The following DMD variants were observed in gnomAD, a reference collection of about 807,000 sequenced individuals.
DMD encodes the protein mutant dystrophin.
DMD carries 63 observed loss-of-function variants against 330.1 expected under a neutral mutation model. The ratio of observed to expected loss-of-function variants is 0.19; its 90% CI spans 0.16 to 0.24. The LOEUF is 0.24. Ranked by LOEUF, DMD falls within the 10% of genes least tolerant of loss-of-function variation. DMD has a pLI of 1.00. For missense variants in DMD, 3,344 were observed against 2,684.1 expected, an observed-to-expected ratio of 1.25 and a Z score of -5.43; for synonymous variants, 1,223 against 959.8, an observed-to-expected ratio of 1.27 and a Z score of -5.07.
chrX:31,713,286 GTC>G lies in DMD; in HGVS notation c.7660+16343_7660+16344del, dbSNP rs201223613. ...CCACAATTACTTCAGTAGACAGTCA[GTC>G]AACACAAACTCATCTGAACCTACTT... On this transcript the variant is annotated intron_variant, in intron 52 of 78. Coordinates refer to ENST00000357033, the MANE Select transcript of DMD (RefSeq NM_004006.3). Among the ~76,000 whole-genome samples the G allele has an allele frequency of 4.3e-3, 441 of 102,704 alleles. 4 individuals carry two copies. Among genetic ancestry groups the G allele is most frequent in the African/African-American group, 0.015 (414 of 26,771 alleles). The allele number at this position is 102,704 out of a possible 115,157, so 89.2% of individuals were successfully genotyped here.
chrX:33,285,804 C>T (rs1276304734), intron 1 of DMD, among the ~76,000 whole-genome samples: 5 of 112,335 alleles, frequency 4.5e-5, no homozygotes, highest in Admixed American at 9.5e-5. Flanking sequence ...TAGCATACCA[C>T]TATGGAGATG....
chrX:32,949,342 G>GTAGGTAGA (rs1225499899), intron 2 of DMD, among the ~76,000 whole-genome samples: 22 of 91,543 alleles, frequency 2.4e-4, no homozygotes, highest in Admixed American at 1.6e-3. Flanking sequence ...AGGTAGGTAG[G>GTAGGTAGA]TAGATAGATA....
chrX:31,589,433 C>T (rs1242458928), intron 55 of DMD, among the ~76,000 whole-genome samples: 7 of 110,940 alleles, frequency 6.3e-5, no homozygotes, highest in Middle Eastern at 4.7e-3. Context: ...CAAAGGAAAG[C>T]GGGTAGGGGT....
intron 43 of DMD, among the ~76,000 whole-genome samples, chrX:32,258,092 T>TG (rs945115431): frequency 1.8e-5 from 2 of 111,504 alleles, no homozygotes; most frequent in African/African-American, 6.5e-5. Context: ...ATTAGAGGAA[T>TG]GCAAATCAAA....
At position 32,491,380 on chromosome X, in the gene DMD, T is replaced by C; in HGVS notation, c.2519A>G (p.Gln840Arg). Residue 840 changes from glutamine (Q) to arginine (R), a missense_variant, in exon 20 of 79, where the codon CAA becomes CGA. Gln to Arg is a conservative substitution (Grantham distance 43, BLOSUM62 1). Transcript: ENST00000357033. ...NNIIAFYNQL[Q>R]QLEQMTTTAE... is the part of the protein sequence containing the mutation. ...AGTAGTTGTCATCTGCTCCAATTGT[T>C]GTAGCTGATTATAGAAAGCGATGAT... 1.7e-6 allele frequency: 2 copies of C among 1,211,705 alleles called. No individual in the cohort carries two copies. The highest frequency in any genetic ancestry group is 2.2e-6 in the Non-Finnish European group (2 of 895,503).
At chrX:31,763,062 T>C (rs192995662) in intron 51 of DMD, among the ~76,000 whole-genome samples, 105 of 112,685 alleles carry the variant, frequency 9.3e-4, no homozygotes, top group Non-Finnish European at 1.1e-4. Flanking sequence ...ACCTAGTACA[T>C]CTTTAGCGGC....
chrX:31,154,740 A>G (rs187350335), intron 74 of DMD, among the ~76,000 whole-genome samples: 2 of 111,973 alleles, frequency 1.8e-5, no homozygotes, highest in East Asian at 5.6e-4. Flanking sequence ...AGTCATTTCA[A>G]TACAGATGAA....
intron 2 of DMD, among the ~76,000 whole-genome samples, chrX:32,860,113 G>A (rs1401821710): frequency 8.9e-6 from 1 of 111,774 alleles, no homozygotes; most frequent in African/African-American, 3.3e-5. Context: ...AAAGAAATAC[G>A]GAAGCACAAA....
At chrX:31,951,031 G>C (rs1390608224) in intron 45 of DMD, among the ~76,000 whole-genome samples, 1 of 102,029 alleles carries the variant, frequency 9.8e-6, no homozygotes, top group Non-Finnish European at 2.0e-5. Flanking sequence ...AAGTGTTTTG[G>C]ATTTTGGATT....
At chrX:32,047,040 C>A (rs146275374) in intron 44 of DMD, among the ~76,000 whole-genome samples, 1,237 of 111,112 alleles carry the variant, frequency 0.011, 13 homozygotes, top group South Asian at 0.023. Context: ...TTTGTAAGAC[C>A]ACACAAAATT....
chrX:31,973,509 C>A (rs1468928437), intron 44 of DMD, among the ~76,000 whole-genome samples: 1 of 110,472 alleles, frequency 9.1e-6, no homozygotes, highest in Admixed American at 9.6e-5. Context: ...GTTAGTACAA[C>A]AGGGAGCATG....
intron 25 of DMD, among the ~76,000 whole-genome samples, chrX:32,459,560 G>A (rs1183135079): frequency 3.6e-5 from 4 of 110,988 alleles, no homozygotes; most frequent in Non-Finnish European, 5.7e-5. Flanking sequence ...CTTTTTCTCC[G>A]AAATAAATAT....
chrX:32,470,638 C>T (rs775160624), intron 22 of DMD, among the ~76,000 whole-genome samples: 2 of 111,191 alleles, frequency 1.8e-5, no homozygotes, highest in Non-Finnish European at 3.8e-5. Flanking sequence ...TATTAGGCAA[C>T]ACATTTTTCC....
intron 8 of DMD, among the ~76,000 whole-genome samples, chrX:32,698,336 A>G (rs1408461055): frequency 1.8e-5 from 2 of 111,489 alleles, no homozygotes; most frequent in Non-Finnish European, 3.8e-5. Context: ...CTAAATCCAA[A>G]GTAAATAAAA....
intron 55 of DMD, among the ~76,000 whole-genome samples, chrX:31,597,929 A>AT (rs1331003691): frequency 1.8e-5 from 2 of 111,088 alleles, no homozygotes; most frequent in African/African-American, 6.5e-5. Flanking sequence ...ACGTCTTTTG[A>AT]TTTTAACCTT....
intron 55 of DMD, among the ~76,000 whole-genome samples, chrX:31,557,328 T>A (rs1382214847): frequency 9.0e-6 from 1 of 111,490 alleles, no homozygotes; most frequent in Non-Finnish European, 1.9e-5. Flanking sequence ...GACCCCAAAC[T>A]TCTATGGGTA....
chrX:31,491,760 T>C (rs1213799001), intron 57 of DMD, among the ~76,000 whole-genome samples: 1 of 111,519 alleles, frequency 9.0e-6, no homozygotes, highest in Non-Finnish European at 1.9e-5. Flanking sequence ...AAGAACCATA[T>C]ATCTCTCCAT....
At chrX:32,466,523 T>C (rs904589687) in intron 23 of DMD, among the ~76,000 whole-genome samples, 1 of 111,404 alleles carries the variant, frequency 9.0e-6, no homozygotes, top group African/African-American at 3.3e-5. Context: ...AGAAAGGACT[T>C]TGCAGATGTG....
intron 44 of DMD, among the ~76,000 whole-genome samples, chrX:32,065,890 T>A (rs1392915066): frequency 8.9e-6 from 1 of 111,780 alleles, no homozygotes; most frequent in Non-Finnish European, 1.9e-5. Flanking sequence ...AGTATGTGCA[T>A]GTTTTCAATA....
Sources: gnomAD v4.1 joint callset for allele counts (sites outside exome capture counted in the v4.1 genomes callset) on GRCh38, gnomAD v4.1.1 for gene constraint, MANE v1.5 for transcripts, NCBI Gene and HGNC (gene_info 2026-07-23, HGNC 2026-07-21) for gene names.